Variants in CSMD3 observed in about 807,000 individuals in gnomAD.
CSMD3 encodes CUB and Sushi multiple domains 3.
CSMD3 carries 177 observed loss-of-function variants against 435.2 expected under a neutral mutation model. The observed-to-expected ratio is 0.41, with a 90% CI of 0.36 to 0.46. The LOEUF is 0.46. Among genes scored for constraint, CSMD3 ranks in the 20% least tolerant of loss-of-function variants. The pLI is 0.34. For synonymous variants in CSMD3, 1,656 were observed against 1,520.5 expected (o/e 1.09, Z -2.07); for missense variants, 4,265 against 4,504.6 (o/e 0.95, Z 1.52).
intron 10 of CSMD3, among the ~76,000 whole-genome samples, chr8:112,859,718 G>A (rs1180354877): frequency 6.6e-6 from 1 of 151,390 alleles, no homozygotes; most frequent in East Asian, 1.9e-4. Context: ...TTCTCTTTCT[G>A]TACTTATAAC....
intron 1 of CSMD3, among the ~76,000 whole-genome samples, chr8:113,354,988 T>C (rs914857662): frequency 6.6e-6 from 1 of 152,128 alleles, no homozygotes; most frequent in African/African-American, 2.4e-5. Context: ...ATTTCAAGTA[T>C]CTTGTCAAGT....
chr8:112,771,287 C>A (rs2078107484), intron 13 of CSMD3, among the ~76,000 whole-genome samples: 2 of 151,942 alleles, frequency 1.3e-5, no homozygotes, highest in South Asian at 4.1e-4. Context: ...CGCCTATAAT[C>A]CCAGAAATTT....
chr8:113,065,370 A>C (rs1240923241), intron 5 of CSMD3, among the ~76,000 whole-genome samples: 3 of 152,066 alleles, frequency 2.0e-5, no homozygotes, highest in African/African-American at 7.2e-5. Context: ...TGGGGAATAA[A>C]ACAGCCTCAT....
At chr8:112,528,417 A>G (rs922027300) in intron 27 of CSMD3, among the ~76,000 whole-genome samples, 9 of 152,170 alleles carry the variant, frequency 5.9e-5, no homozygotes, top group African/African-American at 2.2e-4. Flanking sequence ...GTAAATTCTC[A>G]ATCAAAATAT....
At chr8:113,138,805 G>A (rs192026417) in intron 4 of CSMD3, among the ~76,000 whole-genome samples, 7 of 114,184 alleles carry the variant, frequency 6.1e-5, no homozygotes, top group Middle Eastern at 3.6e-3. Context: ...AGAACTAAAC[G>A]TGTTAGTGTG....
chr8:112,886,219 G>C (rs1463838510), intron 10 of CSMD3, among the ~76,000 whole-genome samples: 1 of 151,334 alleles, frequency 6.6e-6, no homozygotes, highest in African/African-American at 2.4e-5. Context: ...AAACCAAATT[G>C]CTTAGTAAAA....
At chr8:112,867,084 T>C (rs1490900620) in intron 10 of CSMD3, among the ~76,000 whole-genome samples, 1 of 152,106 alleles carries the variant, frequency 6.6e-6, no homozygotes, top group Non-Finnish European at 1.5e-5. Context: ...TAAATGTTGG[T>C]ACCTAAAGAT....
chr8:112,887,629 A>G (rs372532549), intron 10 of CSMD3, among the ~76,000 whole-genome samples: 16 of 151,252 alleles, frequency 1.1e-4, no homozygotes, highest in Non-Finnish European at 1.6e-4. Context: ...GTTTTTTCAC[A>G]TTTTCTGTGT....
At chr8:112,256,074 G>C (rs913917910) in intron 61 of CSMD3, 28 of 151,962 alleles carry the variant, frequency 1.8e-4, no homozygotes, top group African/African-American at 6.0e-4. Flanking sequence ...AACGTGACAG[G>C]CTTTCTAAAA....
At chr8:113,399,078 CATATATAT>C (rs764141337) in intron 1 of CSMD3, among the ~76,000 whole-genome samples, 1 of 90,868 alleles carries the variant, frequency 1.1e-5, no homozygotes, top group African/African-American at 4.8e-5. Context: ...AAGGATAGTT[CATATATAT>C]ATATATATAT....
intron 32 of CSMD3, among the ~76,000 whole-genome samples, chr8:112,456,518 T>G (rs1816856200): frequency 6.6e-6 from 1 of 150,880 alleles, no homozygotes; most frequent in African/African-American, 2.4e-5. Context: ...ATGGAAAAAA[T>G]ACCTGTTTAG....
chr8:112,816,101 AT>A (rs1364689042), intron 12 of CSMD3, among the ~76,000 whole-genome samples: 3 of 152,140 alleles, frequency 2.0e-5, no homozygotes, highest in Non-Finnish European at 4.4e-5. Flanking sequence ...TCTACAGCTC[AT>A]GACTAATATT....
rs200322803 is a variant in CSMD3 at position 112,346,184 on chromosome 8, T to A, written c.6355A>T (p.Ser2119Cys). The change falls in exon 41 of 71, where the codon AGT becomes TGT. Residue 2119 changes from serine (S) to cysteine (C), a missense_variant. Physicochemically the swap from Ser to Cys is moderately radical, Grantham distance 112. This residue lies in a region of CSMD3 where 3,255 missense variants were observed against 3,380.2 expected (regional missense o/e 0.96). Transcript: ENST00000297405. ...AACCCAGGACTGAGGATCACACCAC[T>A]GAAGTCTGACATAGCACCACCACAC... is the stretch of plus-strand genomic sequence containing the variant. ...AQCGGAMSDFSGVILSPGFPG... is the reference protein window; with the variant it reads ...AQCGGAMSDFCGVILSPGFPG... The A allele has an allele frequency of 8.0e-5, 129 of 1,613,102 alleles. No homozygotes were observed. Among genetic ancestry groups the A allele is most frequent in the East Asian group, 1.6e-4 (7 of 44,830 alleles).
At chr8:112,724,863 A>G (rs2076931708) in intron 13 of CSMD3, among the ~76,000 whole-genome samples, 1 of 152,086 alleles carries the variant, frequency 6.6e-6, no homozygotes, top group African/African-American at 2.4e-5. Flanking sequence ...GAATAAAAGT[A>G]ATGAGGAAAA....
intron 6 of CSMD3, among the ~76,000 whole-genome samples, chr8:112,991,847 C>T (rs1296459025): frequency 1.3e-5 from 2 of 151,778 alleles, no homozygotes; most frequent in Non-Finnish European, 2.9e-5. Flanking sequence ...TAGGTACTTT[C>T]GTTTTTTTGC....
At chr8:113,369,236 GATA>G (rs2094332610) in intron 1 of CSMD3, among the ~76,000 whole-genome samples, 1 of 151,776 alleles carries the variant, frequency 6.6e-6, no homozygotes, top group African/African-American at 2.4e-5. Context: ...ACTGTGTGAT[GATA>G]ATAATAATAA....
chr8:112,557,000 G>T, intron 24 of CSMD3, 46 bp from the exon 25 acceptor site: 1 of 1,161,000 alleles, frequency 8.6e-7, no homozygotes, highest in South Asian at 1.2e-5. Flanking sequence ...TTAGGAGGAG[G>T]ATTTAAATCT....
intron 63 of CSMD3, among the ~76,000 whole-genome samples, chr8:112,252,679 G>GTATATATA (rs10542301): frequency 1.1e-4 from 16 of 141,438 alleles, no homozygotes; most frequent in South Asian, 4.5e-4. Context: ...ATGTGTGTGT[G>GTATATATA]TATATATATA....
intron 1 of CSMD3, among the ~76,000 whole-genome samples, chr8:113,426,558 T>C (rs1249802963): frequency 1.3e-5 from 2 of 151,214 alleles, no homozygotes; most frequent in Non-Finnish European, 1.5e-5. Context: ...TGAGAAATTA[T>C]AATAATATCA....
Sources: gnomAD v4.1 joint callset for allele counts (sites outside exome capture counted in the v4.1 genomes callset) on GRCh38, gnomAD v4.1.1 for gene constraint, gnomAD v4.1.1 regional missense constraint, MANE v1.5 for transcripts, NCBI Gene and HGNC (gene_info 2026-07-23, HGNC 2026-07-21) for gene names.